The following PCDH9 variants were observed in gnomAD, a reference collection of about 807,000 sequenced individuals.
PCDH9 encodes protocadherin-9.
Under a neutral mutation model 70.6 loss-of-function variants are expected in PCDH9, and 24 were observed. That is an observed-to-expected ratio of 0.34 (90% CI 0.25 to 0.48). The LOEUF is 0.48. Among genes scored for constraint, PCDH9 ranks in the 20% least tolerant of loss-of-function variants. The pLI is 0.99. For synonymous variants in PCDH9, 562 were observed against 558.5 expected, an observed-to-expected ratio of 1.01 and a Z score of -0.09; for missense variants, 1,281 against 1,503.6, an observed-to-expected ratio of 0.85 and a Z score of 2.45.
intron 4 of PCDH9, among the ~76,000 whole-genome samples, chr13:66,388,663 A>G (rs1413350947): frequency 1.3e-5 from 2 of 152,172 alleles, no homozygotes; most frequent in African/African-American, 4.8e-5. Context: ...AGAAGTTACA[A>G]GAGTTCATTG....
At chr13:66,636,051 A>G (rs1427448222) in intron 3 of PCDH9, among the ~76,000 whole-genome samples, 2 of 152,154 alleles carry the variant, frequency 1.3e-5, no homozygotes, top group Non-Finnish European at 2.9e-5. Flanking sequence ...ATATTTTGCT[A>G]AATTGAATTG....
At chr13:66,874,939 G>GTA (rs2081772383) in intron 3 of PCDH9, among the ~76,000 whole-genome samples, 1 of 139,776 alleles carries the variant, frequency 7.2e-6, no homozygotes, top group African/African-American at 2.6e-5. Flanking sequence ...GTGTGTGTGT[G>GTA]TGTGAGAGAG....
In PCDH9 at chr13:66,459,094, C is replaced by T. The variant is rs947752186; in HGVS notation, c.3341-154066G>A. Among the ~76,000 whole-genome samples the T allele has an allele frequency of 2.6e-5, 4 of 152,076 alleles. No individual in the cohort carries two copies. In the South Asian group the frequency reaches 8.3e-4, roughly 31 times the overall value. On this transcript the variant is annotated intron_variant, in intron 4 of 4. Coordinates refer to ENST00000377865, the MANE Select transcript of PCDH9 (RefSeq NM_203487.3). ...GTCTTAAAAATAAGAACGTGTTCCA[C>T]TGCTTCCTGTTTACAGTCGAAACTA...
intron 2 of PCDH9, among the ~76,000 whole-genome samples, chr13:66,998,699 G>A (rs1417874492): frequency 6.6e-6 from 1 of 152,132 alleles, no homozygotes; most frequent in African/African-American, 2.4e-5. Flanking sequence ...ATTCCTGCCA[G>A]TTGTCTCTGC....
intron 3 of PCDH9, among the ~76,000 whole-genome samples, chr13:66,661,197 C>T (rs965531595): frequency 3.9e-5 from 6 of 152,110 alleles, no homozygotes; most frequent in African/African-American, 1.4e-4. Context: ...AGATGAAGAA[C>T]CTTATTTCTT....
At chr13:66,443,277 T>C (rs1325388502) in intron 4 of PCDH9, among the ~76,000 whole-genome samples, 2 of 152,192 alleles carry the variant, frequency 1.3e-5, no homozygotes, top group Non-Finnish European at 2.9e-5. Context: ...TTTTAGTTAG[T>C]ATTGATGATG....
chr13:66,457,978 T>C (rs951276834), intron 4 of PCDH9, among the ~76,000 whole-genome samples: 3 of 152,026 alleles, frequency 2.0e-5, no homozygotes, highest in Non-Finnish European at 4.4e-5. Flanking sequence ...TGTATATATA[T>C]TTATACTGCT....
intron 2 of PCDH9, among the ~76,000 whole-genome samples, chr13:67,000,871 T>C (rs903443871): frequency 6.6e-6 from 1 of 152,214 alleles, no homozygotes. Context: ...TCTTCTGTTT[T>C]AAAATATTAC....
intron 2 of PCDH9, among the ~76,000 whole-genome samples, chr13:67,076,633 G>C (rs2085883727): frequency 6.6e-6 from 1 of 152,054 alleles, no homozygotes; most frequent in Admixed American, 6.6e-5. Flanking sequence ...CTATGAGGAA[G>C]GGAAATCACA....
chr13:66,776,081 C>T (rs571516879), intron 3 of PCDH9, among the ~76,000 whole-genome samples: 30 of 152,198 alleles, frequency 2.0e-4, no homozygotes, highest in African/African-American at 7.0e-4. Context: ...ATGTCATTAC[C>T]AAATTCCATT....
At chr13:66,393,342 C>T (rs1957050016) in intron 4 of PCDH9, among the ~76,000 whole-genome samples, 1 of 152,090 alleles carries the variant, frequency 6.6e-6, no homozygotes, top group African/African-American at 2.4e-5. Flanking sequence ...TGCAAACAAC[C>T]ATAGGCACAG....
At chr13:66,836,330 TACTA>T (rs1467999151) in intron 3 of PCDH9, among the ~76,000 whole-genome samples, 3 of 152,340 alleles carry the variant, frequency 2.0e-5, no homozygotes, top group African/African-American at 7.2e-5. Context: ...ATCCAAATTT[TACTA>T]ACTATCCTTC....
chr13:66,442,003 T>C lies in PCDH9; in HGVS notation c.3341-136975A>G, dbSNP rs547010790. On this transcript the variant is annotated intron_variant, in intron 4 of 4. Coordinates refer to ENST00000377865, the MANE Select transcript of PCDH9 (RefSeq NM_203487.3). ...CAGAGGAATAATCTATTTGGGTTTT[T>C]AATCTGAACTGAATGACTTTTGGAA... is the stretch of plus-strand genomic sequence containing the variant. Among the ~76,000 whole-genome samples the C allele has an allele frequency of 2.0e-5, 3 of 152,274 alleles. No individual in the cohort carries two copies. The South Asian group carries it at 6.2e-4, about 32-fold the overall frequency.
At chr13:66,444,942 AAAC>A (rs1008228198) in intron 4 of PCDH9, among the ~76,000 whole-genome samples, 68 of 151,820 alleles carry the variant, frequency 4.5e-4, no homozygotes, top group African/African-American at 1.5e-3. Context: ...CTGACAACAA[AAAC>A]AACAACAACA....
chr13:67,196,566 C>T (rs948445868), intron 2 of PCDH9, among the ~76,000 whole-genome samples: 1 of 152,040 alleles, frequency 6.6e-6, no homozygotes, highest in Non-Finnish European at 1.5e-5. Context: ...TGGAGAAAAG[C>T]ATCTCTGCGT....
intron 3 of PCDH9, among the ~76,000 whole-genome samples, chr13:66,870,414 T>G (rs57552128): frequency 0.043 from 6,535 of 151,976 alleles, 470 homozygotes; most frequent in African/African-American, 0.15. Flanking sequence ...AAGAGCTTCT[T>G]CACAGCAAAA....
At chr13:67,122,075 A>T (rs1009800315) in intron 2 of PCDH9, among the ~76,000 whole-genome samples, 3 of 152,174 alleles carry the variant, frequency 2.0e-5, no homozygotes, top group Non-Finnish European at 4.4e-5. Context: ...ACTGAATTAC[A>T]GATGTGACAA....
rs186966967 is a variant in PCDH9, at chr13:66,678,491, C to T, written c.3139-47080G>A. ...CTTTTGATGTATTATAGAACAAAGC[C>T]ATTGAGATTCATAGTATGTATTATC... On this transcript the variant is annotated intron_variant, in intron 3 of 4. Transcript: ENST00000377865. Among the ~76,000 whole-genome samples, 5 of 151,940 alleles carry T rather than the reference C, an allele frequency of 3.3e-5. No homozygotes were observed. The East Asian group carries it at 7.7e-4, about 24-fold the overall frequency.
chr13:67,150,110 T>G (rs896884334), intron 2 of PCDH9, among the ~76,000 whole-genome samples: 1 of 152,236 alleles, frequency 6.6e-6, no homozygotes, highest in African/African-American at 2.4e-5. Context: ...CAGTGCTCCG[T>G]GCAACATCTG....
Sources: allele counts gnomAD v4.1 joint callset (sites outside exome capture counted in the v4.1 genomes callset), GRCh38; gene constraint gnomAD v4.1.1; transcripts MANE v1.5; gene names NCBI Gene and HGNC (gene_info 2026-07-23, HGNC 2026-07-21).